FBF1: variants seen among roughly 807,000 people sequenced by gnomAD.
FBF1 encodes the protein Fas binding factor 1.
In FBF1, 119 loss-of-function variants were observed where a neutral mutation model predicts 147.2. The ratio of observed to expected loss-of-function variants is 0.81; its 90% CI spans 0.70 to 0.94. The LOEUF is 0.94. Ranked by LOEUF, FBF1 falls within the 40% of genes least tolerant of loss-of-function variation. The pLI, the probability that FBF1 is intolerant of heterozygous loss-of-function variation, is 0.00. For missense variants in FBF1, 1,449 were observed against 1,500.8 expected (o/e 0.97, Z 0.57); for synonymous variants, 601 against 609.0 (o/e 0.99, Z 0.19).
chr17:75,918,128 C>T lies in FBF1; in HGVS notation c.2246+34G>A, dbSNP rs559631375. ...GTCTCGGGGACCTTCCGGCCCCCAA[C>T]GTCAGGCGGGCATGGTTGGGGCAGC... On this transcript the variant is annotated intron_variant, in intron 21 of 29. Transcript: ENST00000636174. The surrounding 1 kb of genome is among the most constrained non-coding windows in gnomAD (Gnocchi z 5.8). 16 of 1,609,714 alleles carry T rather than the reference C, an allele frequency of 9.9e-6. No individual in the cohort carries two copies. The highest frequency in any genetic ancestry group is 1.7e-4 in the Middle Eastern group (1 of 6,046).
intron 4 of FBF1, 35 bp downstream of exon 4, chr17:75,935,597 C>T: frequency 1.3e-6 from 2 of 1,531,260 alleles, no homozygotes; most frequent in Non-Finnish European, 1.7e-6. Flanking sequence ...ACAGCAGCAG[C>T]CCAAATTAGG....
chr17:75,926,078 C>T lies in FBF1; in HGVS notation c.820G>A (p.Gly274Arg), dbSNP rs763545513. Reference sequence around the variant, plus strand: ...TCTAGCTTGAACTCCCTGTGCTCCCCGGTGCCCGGGCGGGCCAGGAGTTTG... The same window carrying T: ...TCTAGCTTGAACTCCCTGTGCTCCCTGGTGCCCGGGCGGGCCAGGAGTTTG... ...ATKLLARPGT[G>R]EHREFKLDKK... Residue 274 changes from glycine to arginine, a missense_variant, in exon 12 of 30, where the codon GGG becomes AGG. Coordinates refer to ENST00000636174, the MANE Select transcript of FBF1 (RefSeq NM_001319193.2). The T allele has an allele frequency of 3.1e-5, 50 of 1,612,444 alleles. No individual in the cohort carries two copies. Among genetic ancestry groups the T allele is most frequent in the East Asian group, 1.1e-4 (5 of 44,874 alleles).
chr17:75,939,318 C>G, intron 1 of FBF1, among the ~76,000 whole-genome samples: 1 of 114,474 alleles, frequency 8.7e-6, no homozygotes, highest in South Asian at 2.9e-4. Context: ...AAAAAAAAAA[C>G]GTGCTCTGGA....
At chr17:75,938,332 G>A (rs1266833952) in intron 1 of FBF1, 100 bp from the exon 2 acceptor site, 3 of 807,034 alleles carry the variant, frequency 3.7e-6, no homozygotes, top group East Asian at 2.7e-5. Context: ...AGGCCAAGGC[G>A]GGGGGATCAC....
At chr17:75,913,878 G>A (rs918584693) in intron 27 of FBF1, 35 bp downstream of exon 27, 45 of 1,552,604 alleles carry the variant, frequency 2.9e-5, no homozygotes, top group East Asian at 7.2e-5. Context: ...TGGGGGTGCC[G>A]GGGGCAGGGG....
Position 75,914,301 on chromosome 17 carries a change from G to A in FBF1, c.2815-3C>T. On this transcript the variant is annotated splice_region_variant and splice_polypyrimidine_tract_variant and intron_variant, in intron 25 of 29. Coordinates refer to ENST00000636174, the MANE Select transcript of FBF1 (RefSeq NM_001319193.2). Reference sequence around the variant, plus strand: ...CTGATCTTCAGCTCAGCCTGCTCCTGGAGACAGCGGAGGCCCTGCTGCATT... The same window carrying A: ...CTGATCTTCAGCTCAGCCTGCTCCTAGAGACAGCGGAGGCCCTGCTGCATT... 2 of 1,586,396 alleles carry A rather than the reference G, an allele frequency of 1.3e-6. No individual in the cohort carries two copies. Among genetic ancestry groups the A allele is most frequent in the Non-Finnish European group, 1.7e-6 (2 of 1,171,932 alleles).
intron 29 of FBF1, 64 bp downstream of exon 29, chr17:75,912,128 T>C: frequency 6.7e-7 from 1 of 1,482,652 alleles, no homozygotes. Context: ...TGCTCCTCCC[T>C]GCCTCTGCCC....
intron 4 of FBF1, 68 bp downstream of exon 4, chr17:75,935,564 C>A: frequency 2.0e-6 from 3 of 1,467,766 alleles, no homozygotes; most frequent in South Asian, 1.2e-5. Context: ...CCAGCCTGGG[C>A]AACATAGTAA....
chr17:75,920,517 G>C, intron 17 of FBF1, 88 bp from the exon 18 acceptor site: 1 of 1,368,074 alleles, frequency 7.3e-7, no homozygotes. Context: ...CTGCTCACTG[G>C]ACCTCCCTGC....
At chr17:75,934,996 G>A (rs1037439177) in intron 4 of FBF1, among the ~76,000 whole-genome samples, 2 of 152,106 alleles carry the variant, frequency 1.3e-5, no homozygotes, top group African/African-American at 4.8e-5. Flanking sequence ...TAAGGTTGGA[G>A]GGAGGAGAGA....
chr17:75,938,187 C>G lies in FBF1; in HGVS notation c.-38G>C. On this transcript the variant is annotated 5_prime_UTR_variant, in exon 2 of 30. Coordinates refer to ENST00000636174, the MANE Select transcript of FBF1 (RefSeq NM_001319193.2). Reference sequence around the variant, plus strand: ...GGGGGTGCTCTCAGCTCCTTCACAGCACTGGCCAGCTCATCTGGATTCTGC... The same window carrying G: ...GGGGGTGCTCTCAGCTCCTTCACAGGACTGGCCAGCTCATCTGGATTCTGC... 1 of 1,613,500 alleles carries G rather than the reference C, an allele frequency of 6.2e-7. No individual in the cohort carries two copies. The highest frequency in any genetic ancestry group is 8.5e-7 in the Non-Finnish European group (1 of 1,179,778).
At chr17:75,913,671 G>GC (rs1477503451) in intron 28 of FBF1, 31 bp downstream of exon 28, 14 of 1,543,560 alleles carry the variant, frequency 9.1e-6, no homozygotes, top group South Asian at 1.2e-5. Context: ...CCAGTCCTGA[G>GC]CCGCCGGCCC....
At chr17:75,920,531 T>TGCAGCCACA in intron 17 of FBF1, 102 bp from the exon 18 acceptor site, 1 of 1,283,174 alleles carries the variant, frequency 7.8e-7, no homozygotes, top group Non-Finnish European at 1.1e-6. Context: ...TCCCTGCATC[T>TGCAGCCACA]GATCTGTGGC....
chr17:75,918,068 G>A lies in FBF1; in HGVS notation c.2249C>T (p.Ser750Phe), dbSNP rs1423793719. The A allele has an allele frequency of 5.0e-6, 8 of 1,608,208 alleles. No individual in the cohort carries two copies. Among genetic ancestry groups the A allele is most frequent in the Non-Finnish European group, 6.8e-6 (8 of 1,176,510 alleles). The change falls in exon 22 of 30, where the codon TCC becomes TTC. Residue 750 changes from serine to phenylalanine, a missense_variant and splice_region_variant. Ser to Phe is a radical substitution (Grantham distance 155). Coordinates refer to ENST00000636174, the MANE Select transcript of FBF1 (RefSeq NM_001319193.2). The surrounding 1 kb of genome is among the most constrained non-coding windows in gnomAD (Gnocchi z 5.8). ...CATCTGGTGGATGATGCTATTCAGG[G>A]ACCTGGAAGAAGACTGGGTCACCCC... is the stretch of plus-strand genomic sequence containing the variant. ...AATSATSHTR[S>F]LNSIIHQMEK...
chr17:75,915,459 C>G (rs1202281628), intron 23 of FBF1, among the ~76,000 whole-genome samples: 2 of 152,226 alleles, frequency 1.3e-5, no homozygotes, highest in Non-Finnish European at 2.9e-5. Context: ...TGCCTGTCCT[C>G]ACCCATCAGC....
chr17:75,936,426 A>C (rs1299728756), intron 3 of FBF1, among the ~76,000 whole-genome samples: 1 of 152,164 alleles, frequency 6.6e-6, no homozygotes, highest in Non-Finnish European at 1.5e-5. Context: ...TGGGAGGCAG[A>C]GGTTGCAGTG....
Position 75,921,296 on chromosome 17 carries a change from G to A in FBF1, c.1622C>T (p.Ala541Val). The A allele has an allele frequency of 6.3e-7, 1 of 1,590,956 alleles. No homozygotes were observed. The highest frequency in any genetic ancestry group is 8.6e-7 in the Non-Finnish European group (1 of 1,168,666). ...APGDLSATEP[A>V]TCFPSTQKPT... Reference sequence around the variant, plus strand: ...TTTCTGGGTGCTCGGGAAACACGTGGCAGGCTCTGAAACATCAACAACAGA... The same window carrying A: ...TTTCTGGGTGCTCGGGAAACACGTGACAGGCTCTGAAACATCAACAACAGA... Residue 541 changes from alanine (A) to valine (V), a missense_variant, in exon 17 of 30, where the codon GCC becomes GTC. Ala to Val is a moderately conservative substitution (Grantham distance 64, BLOSUM62 0). Coordinates refer to ENST00000636174, the MANE Select transcript of FBF1 (RefSeq NM_001319193.2).
intron 7 of FBF1, 138 bp downstream of exon 7, chr17:75,929,859 C>T: frequency 1.3e-6 from 1 of 768,800 alleles, no homozygotes; most frequent in South Asian, 1.7e-5. Context: ...AGACGAGTTC[C>T]ATGCTTGCAC....
chr17:75,920,222 C>T (rs1375826606), intron 18 of FBF1, 52 bp downstream of exon 18: 12 of 1,595,324 alleles, frequency 7.5e-6, no homozygotes, highest in Non-Finnish European at 1.0e-5. Context: ...CTCTCAGTGT[C>T]CCCTCCTGTC....
Sources: gnomAD v4.1 joint callset for allele counts (sites outside exome capture counted in the v4.1 genomes callset) on GRCh38, gnomAD v4.1.1 for gene constraint, Gnocchi (gnomAD v3.1) non-coding constraint, MANE v1.5 for transcripts, NCBI Gene and HGNC (gene_info 2026-07-23, HGNC 2026-07-21) for gene names.